MAST4: variants seen among roughly 807,000 people sequenced by gnomAD.
MAST4 encodes microtubule associated serine/threonine kinase family member 4, also known as microtubule-associated serine/threonine-protein kinase 4.
Under a neutral mutation model 162.7 loss-of-function variants are expected in MAST4, and 89 were observed. The ratio of observed to expected loss-of-function variants is 0.55; its 90% CI spans 0.46 to 0.65. The LOEUF is 0.65. Among genes scored for constraint, MAST4 ranks in the 30% least tolerant of loss-of-function variants. The probability of loss-of-function intolerance (pLI) is 0.00; values close to 1 mark genes in which losing one functional copy is unlikely to be tolerated. For synonymous variants in MAST4, 1,479 were observed against 1,361.1 expected (o/e 1.09, Z -1.91); for missense variants, 3,153 against 3,374.0 (o/e 0.93, Z 1.62).
chr5:67,149,602 T>A lies in MAST4; in HGVS notation c.3295+13T>A, dbSNP rs762364344. ...ATGATCCCAGGAGGTAGAGAGATAC[T>A]ACTTGCATGAAATTGTGTGATTTGT... On this transcript the variant is annotated intron_variant, in intron 24 of 28. Transcript: ENST00000403625. 1 of 1,611,240 alleles carries A rather than the reference T, an allele frequency of 6.2e-7. No homozygotes were observed. The highest frequency in any genetic ancestry group is 2.2e-5 in the East Asian group (1 of 44,870).
intron 5 of MAST4, among the ~76,000 whole-genome samples, chr5:67,073,436 C>A (rs183674697): frequency 6.6e-6 from 1 of 152,144 alleles, no homozygotes; most frequent in African/African-American, 2.4e-5. Context: ...TGGCATCAGC[C>A]CTGCAGAGGC....
intron 3 of MAST4, among the ~76,000 whole-genome samples, chr5:66,862,542 G>T (rs1760196120): frequency 6.6e-6 from 1 of 152,134 alleles, no homozygotes; most frequent in South Asian, 2.1e-4. Context: ...TCTAACAAAC[G>T]ATCATTGACC....
Position 66,597,038 on chromosome 5 carries a change from G to A in MAST4, c.363+20G>A. 7.1e-7 allele frequency: 1 copy of A among 1,411,524 alleles called. No individual in the cohort carries two copies. 87.4% of individuals were successfully genotyped at this position (1,411,524 alleles called of 1,614,324 possible). A position where few individuals can be genotyped will look rare whatever the true frequency, so the allele number is the denominator to read the frequency against. Reference sequence around the variant, plus strand: ...GAGGAGGTGGGCCTTTCCCCAGCTTGCCCACTCTGGGTTCCGGCAGCCGGG... The same window carrying A: ...GAGGAGGTGGGCCTTTCCCCAGCTTACCCACTCTGGGTTCCGGCAGCCGGG... On this transcript the variant is annotated intron_variant, in intron 1 of 28. Coordinates refer to ENST00000403625, the MANE Select transcript of MAST4 (RefSeq NM_001164664.2).
chr5:66,949,400 G>C (rs540879524), intron 4 of MAST4, among the ~76,000 whole-genome samples: 2 of 152,206 alleles, frequency 1.3e-5, no homozygotes, highest in South Asian at 2.1e-4. Flanking sequence ...GTGAGTTCTC[G>C]TGAGATCTGA....
At chr5:67,041,170 C>T (rs150649302) in intron 4 of MAST4, among the ~76,000 whole-genome samples, 4 of 152,262 alleles carry the variant, frequency 2.6e-5, no homozygotes, top group African/African-American at 9.6e-5. Context: ...CTGATGTGCA[C>T]GGTTTTGACA....
intron 4 of MAST4, among the ~76,000 whole-genome samples, chr5:66,931,632 T>C (rs1742203059): frequency 6.6e-6 from 1 of 152,198 alleles, no homozygotes; most frequent in Non-Finnish European, 1.5e-5. Flanking sequence ...AGTTATTCCA[T>C]GGCAATCTAG....
At chr5:66,811,335 T>G (rs1756465790) in intron 3 of MAST4, among the ~76,000 whole-genome samples, 1 of 152,226 alleles carries the variant, frequency 6.6e-6, no homozygotes, top group Admixed American at 6.5e-5. Flanking sequence ...GCTTTTTGTT[T>G]TTAATGACAC....
intron 3 of MAST4, among the ~76,000 whole-genome samples, chr5:66,801,296 G>A (rs187338227): frequency 1.4e-3 from 217 of 152,242 alleles, no homozygotes; most frequent in African/African-American, 5.1e-3. Flanking sequence ...ATCACCGAGA[G>A]GATTGGAGAA....
intron 1 of MAST4, among the ~76,000 whole-genome samples, chr5:66,691,294 G>T (rs1182807674): frequency 2.0e-5 from 3 of 152,100 alleles, no homozygotes; most frequent in Non-Finnish European, 2.9e-5. Context: ...AGTACCTATT[G>T]GTTATGATAG....
At chr5:66,655,625 A>T (rs1382202291) in intron 1 of MAST4, among the ~76,000 whole-genome samples, 3 of 152,284 alleles carry the variant, frequency 2.0e-5, no homozygotes, top group Admixed American at 2.0e-4. Context: ...CTGAGGAGAG[A>T]ATACAAAGAC....
intron 3 of MAST4, among the ~76,000 whole-genome samples, chr5:66,890,263 T>C (rs1043144132): frequency 1.7e-4 from 26 of 152,346 alleles, no homozygotes; most frequent in African/African-American, 6.0e-4. Context: ...CTGTTATTCA[T>C]GTAACTGTTG....
At chr5:66,771,505 A>G (rs983537681) in intron 2 of MAST4, among the ~76,000 whole-genome samples, 5 of 152,080 alleles carry the variant, frequency 3.3e-5, no homozygotes, top group African/African-American at 1.2e-4. Context: ...ATATATTTCT[A>G]TCGGGAGGCT....
Position 66,965,893 on chromosome 5 carries a change from A to C in MAST4, c.674+65911A>C, listed in dbSNP as rs531700644. On this transcript the variant is annotated intron_variant, in intron 4 of 28. Transcript: ENST00000403625. ...AGTTCAAACTGAGGAAACGTACCTTATCAATATTAAGAATAGATTGTATTT... is the reference window on the plus strand; with the variant it reads ...AGTTCAAACTGAGGAAACGTACCTTCTCAATATTAAGAATAGATTGTATTT... Among the ~76,000 whole-genome samples the C allele has an allele frequency of 4.1e-4, 63 of 152,354 alleles. No individual in the cohort carries two copies. In the Middle Eastern group the frequency reaches 0.017, roughly 41 times the overall value.
intron 1 of MAST4, among the ~76,000 whole-genome samples, chr5:66,687,733 C>T (rs1361250805): frequency 1.3e-5 from 2 of 152,006 alleles, no homozygotes; most frequent in Non-Finnish European, 2.9e-5. Context: ...TTGGTTGAAT[C>T]CATGGCTTTG....
intron 10 of MAST4, among the ~76,000 whole-genome samples, chr5:67,106,650 G>T (rs1057433987): frequency 1.3e-5 from 2 of 152,138 alleles, no homozygotes; most frequent in African/African-American, 4.8e-5. Context: ...TTATGCAGCT[G>T]CAAGAATATC....
At chr5:67,079,910 G>A (rs1762405068) in intron 5 of MAST4, among the ~76,000 whole-genome samples, 1 of 152,204 alleles carries the variant, frequency 6.6e-6, no homozygotes, top group Admixed American at 6.5e-5. Context: ...GGTCAGGGAT[G>A]GTCTGATTCA....
In MAST4 at chr5:66,759,801, A is replaced by G; in HGVS notation, c.456A>G (p.Lys152=). The G allele has an allele frequency of 1.2e-6, 2 of 1,613,928 alleles. No homozygotes were observed. Among genetic ancestry groups the G allele is most frequent in the Non-Finnish European group, 1.7e-6 (2 of 1,179,872 alleles). ...GCCCTGGAAAATCACTGAAGTATAA[A>G]AGACAGCTGAGTGAGGATGGAAGAC... ...ASGPGKSLKY[K]RQLSEDGRQL... Residue 152 remains lysine (K), a synonymous_variant, in exon 2 of 29, where the codon AAA becomes AAG. Coordinates refer to ENST00000403625, the MANE Select transcript of MAST4 (RefSeq NM_001164664.2).
chr5:67,146,451 C>CA, intron 23 of MAST4, among the ~76,000 whole-genome samples: 1 of 152,012 alleles, frequency 6.6e-6, no homozygotes, highest in South Asian at 2.1e-4. Flanking sequence ...TATGCTTTTT[C>CA]AAAAAATGAG....
chr5:66,728,788 C>T (rs1246411195), intron 1 of MAST4, among the ~76,000 whole-genome samples: 1 of 152,140 alleles, frequency 6.6e-6, no homozygotes, highest in Non-Finnish European at 1.5e-5. Context: ...CTTTGGAAAA[C>T]ATGGCAAAGT....
Sources: gnomAD v4.1 joint callset for allele counts (sites outside exome capture counted in the v4.1 genomes callset) on GRCh38, gnomAD v4.1.1 for gene constraint, MANE v1.5 for transcripts, NCBI Gene and HGNC (gene_info 2026-07-23, HGNC 2026-07-21) for gene names.